SLC22A4: variants seen among roughly 807,000 people sequenced by gnomAD.
The protein encoded by SLC22A4 is solute carrier family 22 member 4.
SLC22A4 carries 39 observed loss-of-function variants against 56.6 expected under a neutral mutation model. The observed-to-expected ratio is 0.69, with a 90% CI of 0.53 to 0.90. The LOEUF is 0.90. Ranked by LOEUF, SLC22A4 falls within the 40% of genes least tolerant of loss-of-function variation. The probability of loss-of-function intolerance (pLI) is 0.00; values close to 1 mark genes in which losing one functional copy is unlikely to be tolerated. For missense variants in SLC22A4, 594 were observed against 696.5 expected, an observed-to-expected ratio of 0.85 and a Z score of 1.66; for synonymous variants, 241 against 281.4, an observed-to-expected ratio of 0.86 and a Z score of 1.44.
intron 1 of SLC22A4, among the ~76,000 whole-genome samples, chr5:132,296,527 T>G (rs1471107318): frequency 6.6e-6 from 1 of 152,246 alleles, no homozygotes; most frequent in African/African-American, 2.4e-5. Flanking sequence ...GGTTGTCGAA[T>G]CTGTGGCACC....
At chr5:132,304,980 T>C (rs1749991048) in intron 1 of SLC22A4, among the ~76,000 whole-genome samples, 1 of 152,204 alleles carries the variant, frequency 6.6e-6, no homozygotes, top group Non-Finnish European at 1.5e-5. Flanking sequence ...CATGATGGCA[T>C]GTGCCTATAG....
Position 132,322,412 on chromosome 5 carries a change from A to G in SLC22A4, c.824+57A>G, listed in dbSNP as rs755032769. ...TGCTGCGGGTCAGCACACCTGGAAC[A>G]CACCTGGAGCCTGATGCTGACCTAG... On this transcript the variant is annotated intron_variant, in intron 4 of 9. Transcript: ENST00000200652. The G allele has an allele frequency of 2.7e-5, 41 of 1,535,626 alleles. No individual in the cohort carries two copies. In the Middle Eastern group the frequency reaches 1.1e-3, roughly 40 times the overall value.
intron 1 of SLC22A4, among the ~76,000 whole-genome samples, chr5:132,297,249 C>A (rs1449685365): frequency 1.3e-5 from 2 of 152,088 alleles, no homozygotes; most frequent in African/African-American, 4.8e-5. Context: ...ACCTGGGAGG[C>A]GGAGGTTGCA....
intron 4 of SLC22A4, 115 bp downstream of exon 4, chr5:132,322,470 G>A (rs1034250347): frequency 4.9e-6 from 5 of 1,030,426 alleles, no homozygotes; most frequent in African/African-American, 3.1e-5. Flanking sequence ...GGAACTCGCG[G>A]AGGCCAGCTT....
In SLC22A4 at chr5:132,340,706, T is replaced by C; in HGVS notation, c.1580+6T>C. On this transcript the variant is annotated splice_donor_region_variant and intron_variant, in intron 9 of 9. Transcript: ENST00000200652. ...CAGATGCAGAAAGTGAAATGGTAAGTAGGACTTTTAACAAAATGATACCAA... is the reference window on the plus strand; with the variant it reads ...CAGATGCAGAAAGTGAAATGGTAAGCAGGACTTTTAACAAAATGATACCAA... The C allele has an allele frequency of 6.2e-7, 1 of 1,613,702 alleles. No individual in the cohort carries two copies. The highest frequency in any genetic ancestry group is 8.5e-7 in the Non-Finnish European group (1 of 1,179,602).
intron 7 of SLC22A4, 93 bp from the exon 8 acceptor site, chr5:132,335,725 C>T: frequency 6.9e-6 from 7 of 1,011,426 alleles, no homozygotes; most frequent in Non-Finnish European, 1.1e-5. Context: ...AATAAAAGTA[C>T]TCCCACTGAA....
At chr5:132,318,351 T>C (rs1476078037) in intron 3 of SLC22A4, among the ~76,000 whole-genome samples, 1 of 152,172 alleles carries the variant, frequency 6.6e-6, no homozygotes, top group East Asian at 1.9e-4. Context: ...TCAGTCTTCA[T>C]AATAATATCT....
intron 3 of SLC22A4, among the ~76,000 whole-genome samples, chr5:132,319,134 T>C (rs1254497000): frequency 6.6e-6 from 1 of 151,956 alleles, no homozygotes; most frequent in African/African-American, 2.4e-5. Context: ...AAACCCCGTC[T>C]CTACTAAAAA....
intron 4 of SLC22A4, among the ~76,000 whole-genome samples, chr5:132,326,390 C>T (rs1342561181): frequency 6.6e-6 from 1 of 152,170 alleles, no homozygotes; most frequent in South Asian, 2.1e-4. Context: ...AAGTGAACAA[C>T]AGAATGGCTG....
intron 5 of SLC22A4, among the ~76,000 whole-genome samples, chr5:132,330,066 A>T (rs1021026168): frequency 6.6e-6 from 1 of 152,184 alleles, no homozygotes; most frequent in Non-Finnish European, 1.5e-5. Context: ...GCTTTGTTAT[A>T]ATACCAGGGT....
chr5:132,332,994 G>A (rs1750912287), intron 6 of SLC22A4, among the ~76,000 whole-genome samples: 2 of 152,256 alleles, frequency 1.3e-5, no homozygotes, highest in South Asian at 4.1e-4. Context: ...TTAGTCACTA[G>A]TTCTATCTAA....
intron 3 of SLC22A4, among the ~76,000 whole-genome samples, chr5:132,314,047 G>A (rs1393097878): frequency 1.3e-5 from 2 of 152,214 alleles, no homozygotes; most frequent in East Asian, 3.8e-4. Context: ...GGAGCACAGG[G>A]CTTAAGAGAG....
intron 5 of SLC22A4, among the ~76,000 whole-genome samples, chr5:132,327,885 A>G (rs1750727612): frequency 6.6e-6 from 1 of 152,168 alleles, no homozygotes; most frequent in African/African-American, 2.4e-5. Flanking sequence ...CACAGGCTTG[A>G]GGATTCACCC....
chr5:132,343,634 A>C, intron 9 of SLC22A4, 126 bp from the exon 10 acceptor site: 1 of 673,786 alleles, frequency 1.5e-6, no homozygotes, highest in South Asian at 1.8e-5. Flanking sequence ...TGAGGTTCTC[A>C]TTAGAGTTCA....
At chr5:132,308,372 A>AT (rs56259514) in intron 1 of SLC22A4, among the ~76,000 whole-genome samples, 978 of 61,290 alleles carry the variant, frequency 0.016, 62 homozygotes, top group Middle Eastern at 0.037. Flanking sequence ...TGATTAAGCA[A>AT]TTTTTTTTTT....
intron 1 of SLC22A4, among the ~76,000 whole-genome samples, chr5:132,295,983 T>C (rs967048649): frequency 1.3e-5 from 2 of 152,224 alleles, no homozygotes; most frequent in Admixed American, 1.3e-4. Flanking sequence ...ACATCTGGTG[T>C]GTGGAGCCTA....
chr5:132,317,411 C>T (rs757708640), intron 3 of SLC22A4, among the ~76,000 whole-genome samples: 2 of 152,186 alleles, frequency 1.3e-5, no homozygotes, highest in Admixed American at 1.3e-4. Flanking sequence ...TTCCCTATTC[C>T]GCACATTTGA....
chr5:132,340,516 CAG>C (rs1167944337), intron 8 of SLC22A4, 47 bp from the exon 9 acceptor site: 2 of 1,591,598 alleles, frequency 1.3e-6, no homozygotes, highest in Middle Eastern at 1.7e-4. Flanking sequence ...CAAGAGTGCC[CAG>C]AGAGTCCTCC....
At chr5:132,340,063 G>GTTTTT (rs4646203) in intron 8 of SLC22A4, among the ~76,000 whole-genome samples, 2 of 94,868 alleles carry the variant, frequency 2.1e-5, no homozygotes, top group African/African-American at 4.0e-5. Flanking sequence ...ATACTTAGTT[G>GTTTTT]TTTTTTTTTT....
Sources: allele counts gnomAD v4.1 joint callset (sites outside exome capture counted in the v4.1 genomes callset), GRCh38; gene constraint gnomAD v4.1.1; transcripts MANE v1.5; gene names NCBI Gene and HGNC (gene_info 2026-07-23, HGNC 2026-07-21).